The following KLHL22 variants were observed in gnomAD, a reference collection of about 807,000 sequenced individuals.
The protein encoded by KLHL22 is kelch like family member 22, also known as kelch-like protein 22.
In KLHL22, 18 loss-of-function variants were observed where a neutral mutation model predicts 60.7. The observed-to-expected ratio is 0.30, with a 90% CI of 0.20 to 0.44. KLHL22 has a LOEUF of 0.44. KLHL22 is among the 20% of genes least tolerant of loss of function. The pLI is 1.00. For missense variants in KLHL22, 596 were observed against 852.3 expected (o/e 0.70, Z 3.74); for synonymous variants, 355 against 354.5 (o/e 1.00, Z -0.01).
chr22:20,474,659 T>A (rs2053381417), intron 2 of KLHL22, among the ~76,000 whole-genome samples: 1 of 152,234 alleles, frequency 6.6e-6, no homozygotes, highest in Admixed American at 6.5e-5. Context: ...CCCACAGTGC[T>A]GGGATTACAG....
chr22:20,458,445 ATTT>A (rs938534970), intron 4 of KLHL22, among the ~76,000 whole-genome samples: 3 of 90,478 alleles, frequency 3.3e-5, no homozygotes, highest in Admixed American at 1.2e-4. Flanking sequence ...AACGCCCGCT[ATTT>A]TTTTTTTTTT....
intron 2 of KLHL22, among the ~76,000 whole-genome samples, chr22:20,475,894 CAT>C (rs138293747): frequency 4.6e-5 from 7 of 152,314 alleles, no homozygotes; most frequent in Non-Finnish European, 8.8e-5. Context: ...ATCTTTATCA[CAT>C]AGGACAGGAA....
intron 1 of KLHL22, among the ~76,000 whole-genome samples, chr22:20,492,649 G>A (rs2053710102): frequency 6.6e-6 from 1 of 151,420 alleles, no homozygotes; most frequent in Non-Finnish European, 1.5e-5. Context: ...GAGTGCAGTG[G>A]TGTGATCTTG....
At chr22:20,467,280 G>C (rs1215857959) in intron 3 of KLHL22, among the ~76,000 whole-genome samples, 3 of 152,294 alleles carry the variant, frequency 2.0e-5, no homozygotes, top group Admixed American at 2.0e-4. Flanking sequence ...GGAAAAACTG[G>C]TTCTGGCCCT....
chr22:20,466,480 C>T (rs996240186), intron 3 of KLHL22, among the ~76,000 whole-genome samples: 15 of 151,518 alleles, frequency 9.9e-5, no homozygotes, highest in African/African-American at 3.1e-4. Context: ...GGACCTAAGA[C>T]CATCCCCATC....
chr22:20,472,640 C>T (rs992567063), intron 2 of KLHL22, among the ~76,000 whole-genome samples: 9 of 152,128 alleles, frequency 5.9e-5, no homozygotes, highest in Admixed American at 3.3e-4. Flanking sequence ...GCAGGAGAAT[C>T]GCTTGAACCC....
At chr22:20,448,461 A>G (rs533431588) in intron 5 of KLHL22, among the ~76,000 whole-genome samples, 10 of 152,348 alleles carry the variant, frequency 6.6e-5, no homozygotes, top group African/African-American at 2.4e-4. Context: ...TTCCATGGGT[A>G]TCTACCACAG....
chr22:20,446,001 T>C (rs1343407832), intron 6 of KLHL22, among the ~76,000 whole-genome samples: 1 of 152,194 alleles, frequency 6.6e-6, no homozygotes, highest in East Asian at 1.9e-4. Context: ...GCTCAAGTGA[T>C]CCTCTCGCCT....
intron 2 of KLHL22, among the ~76,000 whole-genome samples, chr22:20,487,908 C>T (rs1413574067): frequency 1.3e-5 from 2 of 152,136 alleles, no homozygotes; most frequent in Non-Finnish European, 2.9e-5. Context: ...GGTCCTAAGT[C>T]CCCTGCAGGG....
chr22:20,482,446 A>G (rs1569143516), intron 2 of KLHL22, among the ~76,000 whole-genome samples: 1 of 151,844 alleles, frequency 6.6e-6, no homozygotes, highest in Non-Finnish European at 1.5e-5. Context: ...GTGCAGTGGC[A>G]CACTCACAAC....
intron 1 of KLHL22, among the ~76,000 whole-genome samples, chr22:20,490,798 A>G (rs1037599960): frequency 6.6e-6 from 1 of 152,174 alleles, no homozygotes; most frequent in Non-Finnish European, 1.5e-5. Context: ...ATCTGACAGG[A>G]GGTGGAGCTC....
intron 6 of KLHL22, among the ~76,000 whole-genome samples, chr22:20,445,309 C>T (rs898654811): frequency 4.6e-5 from 7 of 151,120 alleles, no homozygotes; most frequent in African/African-American, 9.7e-5. Flanking sequence ...CGGGTTCCAG[C>T]GATTCTCCTG....
rs543731584 is a variant in KLHL22 at position 20,457,986 on chromosome 22, T to C, written c.1127A>G (p.His376Arg). Residue 376 changes from histidine to arginine, a missense_variant, in exon 5 of 7, where the codon CAC (histidine) becomes CGC (arginine). By Grantham distance (29) the His-to-Arg change is conservative. Coordinates refer to ENST00000328879, the MANE Select transcript of KLHL22 (RefSeq NM_032775.4). The part of the protein sequence containing the change: ...ESRCWRYDPR[H>R]NRWFQIQSLQ... ...GGACTGGATCTGGAACCAGCGGTTG[T>C]GCCGTGGGTCATACCTGTGCCGAGA... 6.2e-7 allele frequency: 1 copy of C among 1,614,140 alleles called. No homozygotes were observed. Among genetic ancestry groups the C allele is most frequent in the South Asian group, 1.1e-5 (1 of 91,082 alleles).
At chr22:20,455,488 G>T (rs1286194587) in intron 5 of KLHL22, among the ~76,000 whole-genome samples, 1 of 152,204 alleles carries the variant, frequency 6.6e-6, no homozygotes, top group African/African-American at 2.4e-5. Flanking sequence ...CAGATGGTTA[G>T]ATATGAGCAG....
intron 2 of KLHL22, chr22:20,483,666 G>A (rs1034188171): frequency 2.6e-5 from 19 of 729,426 alleles, no homozygotes; most frequent in African/African-American, 2.4e-4. Context: ...AGATACGGGC[G>A]TTGTCCACAG....
intron 3 of KLHL22, among the ~76,000 whole-genome samples, chr22:20,468,167 T>C (rs1412519133): frequency 6.6e-6 from 1 of 152,216 alleles, no homozygotes; most frequent in Admixed American, 6.5e-5. Flanking sequence ...TTTGCCAGTC[T>C]TCTGCTTTGC....
chr22:20,457,150 A>C (rs758351430), intron 5 of KLHL22, among the ~76,000 whole-genome samples: 21 of 152,104 alleles, frequency 1.4e-4, no homozygotes, highest in Non-Finnish European at 2.9e-4. Flanking sequence ...ACCAGGCCTG[A>C]GTACCCCAAA....
intron 2 of KLHL22, among the ~76,000 whole-genome samples, chr22:20,485,334 A>G (rs62219872): frequency 0.2 from 30,007 of 152,140 alleles, 3,838 homozygotes; most frequent in Non-Finnish European, 0.29. Context: ...GTGCAATGAA[A>G]AGTTATTAAC....
chr22:20,448,920 AC>A (rs1429869666), intron 5 of KLHL22, among the ~76,000 whole-genome samples: 1 of 152,222 alleles, frequency 6.6e-6, no homozygotes, highest in African/African-American at 2.4e-5. Flanking sequence ...TAGTTCTCTC[AC>A]TGTGGCTTTA....
Sources: gnomAD v4.1 joint callset for allele counts (sites outside exome capture counted in the v4.1 genomes callset) on GRCh38, gnomAD v4.1.1 for gene constraint, MANE v1.5 for transcripts, NCBI Gene and HGNC (gene_info 2026-07-23, HGNC 2026-07-21) for gene names.